Variants in PCMTD1 observed in about 807,000 individuals in gnomAD.
PCMTD1 encodes the protein protein-L-isoaspartate (D-aspartate) O-methyltransferase domain containing 1, also known as protein-L-isoaspartate O-methyltransferase domain-containing protein 1.
In PCMTD1, 12 loss-of-function variants were observed where a neutral mutation model predicts 37.6. The ratio of observed to expected loss-of-function variants is 0.32; its 90% CI spans 0.20 to 0.52. PCMTD1 has a LOEUF of 0.52. Among genes scored for constraint, PCMTD1 ranks in the 20% least tolerant of loss-of-function variants. The pLI, the probability that PCMTD1 is intolerant of heterozygous loss-of-function variation, is 0.97. For synonymous variants in PCMTD1, 117 were observed against 135.8 expected, an observed-to-expected ratio of 0.86 and a Z score of 0.96; for missense variants, 235 against 421.3, an observed-to-expected ratio of 0.56 and a Z score of 3.87.
chr8:51,818,146 TAA>T lies in PCMTD1; in HGVS notation c.*2203_*2204del, dbSNP rs1437899472. ...ATTCTAATATATCTGCATTAATAGA[TAA>T]AAAGGCTTTAGCTTTAATTTTCATT... On this transcript the variant is annotated 3_prime_UTR_variant, in exon 6 of 6. Coordinates refer to ENST00000522514, the MANE Select transcript of PCMTD1 (RefSeq NM_052937.4). The T allele has an allele frequency of 3.1e-6, 1 of 321,070 alleles. No homozygotes were observed. The highest frequency in any genetic ancestry group is 2.2e-5 in the African/African-American group (1 of 45,208). 19.9% of individuals were successfully genotyped at this position (321,070 alleles called of 1,614,324 possible).
At chr8:51,850,627 A>T (rs1236836585) in intron 2 of PCMTD1, among the ~76,000 whole-genome samples, 1 of 152,198 alleles carries the variant, frequency 6.6e-6, no homozygotes, top group Non-Finnish European at 1.5e-5. Flanking sequence ...ATTATAGTAA[A>T]GTAACATCAA....
At chr8:51,831,315 G>A in intron 5 of PCMTD1, 129 bp downstream of exon 5, 1 of 888,618 alleles carries the variant, frequency 1.1e-6, no homozygotes, top group African/African-American at 1.8e-5. Context: ...AAAAAAAGTT[G>A]AATAAATCCA....
intron 1 of PCMTD1, among the ~76,000 whole-genome samples, chr8:51,890,675 G>A (rs527465196): frequency 1.3e-5 from 2 of 152,130 alleles, no homozygotes; most frequent in South Asian, 4.1e-4. Context: ...GAGAAGCACC[G>A]ACTGATCCAT....
intron 3 of PCMTD1, among the ~76,000 whole-genome samples, chr8:51,836,367 A>G (rs1027767457): frequency 1.3e-5 from 2 of 152,234 alleles, no homozygotes; most frequent in Admixed American, 1.3e-4. Flanking sequence ...GCATATTAAA[A>G]TATACATACT....
intron 5 of PCMTD1, among the ~76,000 whole-genome samples, chr8:51,823,858 T>C (rs957292787): frequency 6.6e-6 from 1 of 152,150 alleles, no homozygotes; most frequent in Non-Finnish European, 1.5e-5. Context: ...CAATCAAGTC[T>C]GCTTCATCCC....
intron 1 of PCMTD1, among the ~76,000 whole-genome samples, chr8:51,878,950 C>A (rs1483226287): frequency 6.6e-6 from 1 of 151,998 alleles, no homozygotes; most frequent in Non-Finnish European, 1.5e-5. Context: ...AACAGTGAGA[C>A]CCTATTTCTA....
At chr8:51,859,514 A>C (rs1370030139) in intron 2 of PCMTD1, among the ~76,000 whole-genome samples, 2 of 152,214 alleles carry the variant, frequency 1.3e-5, no homozygotes, top group Admixed American at 6.5e-5. Flanking sequence ...TTGCGGAATG[A>C]AAGGCTTCCA....
intron 5 of PCMTD1, among the ~76,000 whole-genome samples, chr8:51,825,862 C>T (rs1232170701): frequency 6.6e-6 from 1 of 152,002 alleles, no homozygotes; most frequent in African/African-American, 2.4e-5. Context: ...AACAGATGCT[C>T]GAGAGGATGA....
intron 1 of PCMTD1, among the ~76,000 whole-genome samples, chr8:51,862,689 C>A (rs570259352): frequency 7.2e-5 from 11 of 152,286 alleles, no homozygotes; most frequent in East Asian, 5.8e-4. Context: ...GGTCCTCAGG[C>A]CCCTGGCACC....
intron 2 of PCMTD1, among the ~76,000 whole-genome samples, chr8:51,850,712 C>A (rs142916380): frequency 2.0e-5 from 3 of 152,206 alleles, no homozygotes; most frequent in African/African-American, 7.2e-5. Flanking sequence ...GTGGATCAGT[C>A]ATTAGGTTTC....
At chr8:51,856,634 C>T (rs536595204) in intron 2 of PCMTD1, among the ~76,000 whole-genome samples, 3 of 152,180 alleles carry the variant, frequency 2.0e-5, no homozygotes, top group African/African-American at 7.2e-5. Context: ...ATAAACAAAA[C>T]GTAGTGTATA....
chr8:51,857,251 C>T (rs1307354560), intron 2 of PCMTD1, among the ~76,000 whole-genome samples: 2 of 152,208 alleles, frequency 1.3e-5, no homozygotes, highest in African/African-American at 2.4e-5. Flanking sequence ...AAGGTAGTGG[C>T]ATCCACAGTG....
intron 2 of PCMTD1, among the ~76,000 whole-genome samples, chr8:51,855,913 C>T (rs2038381481): frequency 6.6e-6 from 1 of 152,054 alleles, no homozygotes; most frequent in South Asian, 2.1e-4. Context: ...TGTGATCCAC[C>T]CGCCTTGGCC....
chr8:51,876,397 A>AC (rs1563358414), intron 1 of PCMTD1, among the ~76,000 whole-genome samples: 205 of 37,012 alleles, frequency 5.5e-3, no homozygotes, highest in African/African-American at 7.3e-3. Context: ...CACACACACA[A>AC]AAAAAAATAG....
At chr8:51,834,059 G>C (rs1295585398) in intron 3 of PCMTD1, among the ~76,000 whole-genome samples, 1 of 152,150 alleles carries the variant, frequency 6.6e-6, no homozygotes, top group Non-Finnish European at 1.5e-5. Context: ...GCTTCACTTT[G>C]CATTGTCCTT....
chr8:51,842,249 T>G (rs533136537), intron 3 of PCMTD1, among the ~76,000 whole-genome samples: 14 of 152,312 alleles, frequency 9.2e-5, no homozygotes, highest in African/African-American at 3.4e-4. Context: ...ATACAAAGTT[T>G]AAAAGTACTT....
chr8:51,896,621 G>C (rs576809060), intron 1 of PCMTD1, among the ~76,000 whole-genome samples: 1 of 152,216 alleles, frequency 6.6e-6, no homozygotes, highest in East Asian at 1.9e-4. Flanking sequence ...TTGGTTAACA[G>C]CATAAGATCA....
chr8:51,871,650 A>G (rs1164337077), intron 1 of PCMTD1, among the ~76,000 whole-genome samples: 1 of 152,224 alleles, frequency 6.6e-6, no homozygotes, highest in Non-Finnish European at 1.5e-5. Context: ...GAGAAAAATA[A>G]CATCTTATAT....
rs112129715 is a variant in PCMTD1 at position 51,879,229 on chromosome 8, G to GA, written c.-95-17984dup. 2.5e-3 allele frequency among the ~76,000 whole-genome samples: 361 copies of GA among 146,846 alleles called. 1 individual carries two copies. The highest frequency in any genetic ancestry group is 8.3e-3 in the African/African-American group (327 of 39,206). On this transcript the variant is annotated intron_variant, in intron 1 of 5. Transcript: ENST00000522514. ...CACTCCTAGATCTGTCACTTGAGGGGAAAAAAAAAAAAGAAAAATCACCTT... is the reference window on the plus strand; with the variant it reads ...CACTCCTAGATCTGTCACTTGAGGGGAAAAAAAAAAAAAGAAAAATCACCTT...
Sources: allele counts gnomAD v4.1 joint callset (sites outside exome capture counted in the v4.1 genomes callset), GRCh38; gene constraint gnomAD v4.1.1; transcripts MANE v1.5; gene names NCBI Gene and HGNC (gene_info 2026-07-23, HGNC 2026-07-21).